Variants in MED16 observed in about 807,000 individuals in gnomAD.
MED16 encodes mediator complex subunit 16.
In MED16, 81 loss-of-function variants were observed where a neutral mutation model predicts 84.4. That is an observed-to-expected ratio of 0.96 (90% CI 0.80 to 1.15). The LOEUF (loss-of-function observed/expected upper bound fraction) is 1.15, where lower values mean the gene tolerates loss of function less well. MED16 is among the 50% of genes most tolerant of loss of function. The pLI is 0.00. For synonymous variants in MED16, 897 were observed against 552.2 expected, an observed-to-expected ratio of 1.62 and a Z score of -8.76; for missense variants, 1,585 against 1,245.9, an observed-to-expected ratio of 1.27 and a Z score of -4.10.
intron 3 of MED16, 42 bp downstream of exon 3, chr19:890,095 A>G: frequency 1.4e-6 from 2 of 1,440,812 alleles, no homozygotes; most frequent in Admixed American, 2.0e-5. Context: ...CTGCTCCGGG[A>G]TCCGGGTCGC....
intron 6 of MED16, among the ~76,000 whole-genome samples, chr19:884,034 C>A (rs1469540744): frequency 2.0e-5 from 3 of 152,118 alleles, no homozygotes; most frequent in Non-Finnish European, 4.4e-5. Flanking sequence ...CTGCAGGCCC[C>A]GGGAGCCATC....
chr19:871,755 G>C (rs1417431992), intron 12 of MED16, 171 bp downstream of exon 12: 5 of 696,992 alleles, frequency 7.2e-6, no homozygotes, highest in East Asian at 3.1e-5. Flanking sequence ...TGTTTTGGTA[G>C]GGAGAGGGGA....
chr19:874,206 C>T (rs1286986420), intron 10 of MED16, among the ~76,000 whole-genome samples: 1 of 152,098 alleles, frequency 6.6e-6, no homozygotes, highest in South Asian at 2.1e-4. Context: ...CTCCGCCTCC[C>T]GGGTTCACGC....
chr19:873,573 T>A lies in MED16; in HGVS notation c.1781A>T (p.Lys594Met). ...CTCCGTCTTGAGGTTGATCATGACC[T>A]TGTCAATGTCTACAAGGAGACGTGG... ...CTKITDVDID[K>M]VMINLKTEEF... Residue 594 changes from lysine (K) to methionine (M), a missense_variant, in exon 11 of 16, where the codon AAG (lysine) becomes ATG (methionine). Lys to Met is a moderately conservative substitution (Grantham distance 95). Transcript: ENST00000325464. The A allele has an allele frequency of 6.2e-7, 1 of 1,612,276 alleles. No individual in the cohort carries two copies. Among genetic ancestry groups the A allele is most frequent in the South Asian group, 1.1e-5 (1 of 91,082 alleles).
Position 876,990 on chromosome 19 carries a change from G to A in MED16, c.1544C>T (p.Thr515Ile), listed in dbSNP as rs1283353970. The A allele has an allele frequency of 1.9e-6, 3 of 1,586,922 alleles. No individual in the cohort carries two copies. The highest frequency in any genetic ancestry group is 2.6e-6 in the Non-Finnish European group (3 of 1,170,016). The change falls in exon 9 of 16, where the codon ACC becomes ATC. Residue 515 changes from threonine (T) to isoleucine (I), a missense_variant. By Grantham distance (89) the Thr-to-Ile change is moderately conservative (BLOSUM62 -1). Coordinates refer to ENST00000325464, the MANE Select transcript of MED16 (RefSeq NM_005481.3). ...EKLHEEYTRQ[T>I]AALQQVLSTR... ...GGCCCCCACCTGCTGCAGGGCAGCG[G>A]TCTGGCGCGTGTACTCCTCGTGCAG... is the stretch of plus-strand genomic sequence containing the variant.
At chr19:892,881 AGCCCCGCGCCCCGCGCCCCGC>A (rs568145217) in intron 1 of MED16, 184 bp downstream of exon 1, 58,789 of 137,974 alleles carry the variant, frequency 0.43, 13,096 homozygotes, top group Non-Finnish European at 0.51. Flanking sequence ...CTGAGCCCCG[AGCCCCGCGCCCCGCGCCCCGC>A]GCCCCGCGCC....
Position 873,773 on chromosome 19 carries a change from C to G in MED16, c.1772-191G>C, listed in dbSNP as rs375679577. The stretch of plus-strand genomic sequence containing the variant: ...GGAACTGGGAGCCCACTGCCTGCCC[C>G]CCCCCGGGGGCCGCTGTGCTCAGCA... On this transcript the variant is annotated intron_variant, in intron 10 of 15. Transcript: ENST00000325464. 4.4e-4 allele frequency among the ~76,000 whole-genome samples: 67 copies of G among 152,224 alleles called. No individual in the cohort carries two copies. In the South Asian group the frequency reaches 9.5e-3, roughly 22 times the overall value.
intron 4 of MED16, among the ~76,000 whole-genome samples, chr19:887,259 G>C (rs943428842): frequency 6.6e-6 from 1 of 152,186 alleles, no homozygotes; most frequent in Non-Finnish European, 1.5e-5. Flanking sequence ...GTGGTGAGGG[G>C]TTGCCATGGC....
At chr19:872,861 G>T in intron 11 of MED16, 3 of 718,394 alleles carry the variant, frequency 4.2e-6, no homozygotes, top group Non-Finnish European at 3.5e-6. Context: ...GGCCTGGGAG[G>T]CGGGGCTTTG....
At chr19:890,406 C>G (rs956424165) in intron 2 of MED16, 162 bp from the exon 3 acceptor site, 1 of 558,608 alleles carries the variant, frequency 1.8e-6, no homozygotes, top group African/African-American at 1.9e-5. Flanking sequence ...GCTGTCCCCC[C>G]GCAGGAACAG....
At chr19:884,859 C>T (rs1389294407) in intron 6 of MED16, 44 bp downstream of exon 6, 1 of 1,505,064 alleles carries the variant, frequency 6.6e-7, no homozygotes, top group African/African-American at 1.4e-5. Context: ...ACCAACCGCC[C>T]CCGAGGGCAG....
At chr19:890,292 G>A in intron 2 of MED16, 48 bp from the exon 3 acceptor site, 1 of 1,264,222 alleles carries the variant, frequency 7.9e-7, no homozygotes, top group Non-Finnish European at 1.1e-6. Context: ...ACAGCCTGCA[G>A]ACGATGACGA....
At chr19:886,486 G>T (rs774908037) in intron 4 of MED16, among the ~76,000 whole-genome samples, 1 of 152,368 alleles carries the variant, frequency 6.6e-6, no homozygotes, top group East Asian at 1.9e-4. Flanking sequence ...TTTCTGTAAA[G>T]GGACAGACAG....
rs772949626 is a variant in MED16 at position 885,915 on chromosome 19, C to T, written c.734G>A (p.Cys245Tyr). ...GCACTTCTCGCTCACCACGCTCACG[C>T]ACACCTTGTAGAACTGCACGGGCGA... ...SASPVQFYKV[C>Y]VSVVSEKCRI... The change falls in exon 5 of 16, where the codon TGC becomes TAC. Residue 245 changes from cysteine (C) to tyrosine (Y), a missense_variant. Transcript: ENST00000325464. 1.2e-6 allele frequency: 2 copies of T among 1,613,422 alleles called. No individual in the cohort carries two copies. Among genetic ancestry groups the T allele is most frequent in the East Asian group, 2.2e-5 (1 of 44,880 alleles).
At chr19:874,362 T>C (rs985483810) in intron 10 of MED16, among the ~76,000 whole-genome samples, 19 of 152,180 alleles carry the variant, frequency 1.2e-4, no homozygotes, top group African/African-American at 2.2e-4. Flanking sequence ...TCAGCCCGCG[T>C]TGGCCTCCCA....
chr19:892,000 G>A (rs1300133113), intron 1 of MED16, among the ~76,000 whole-genome samples: 1 of 139,988 alleles, frequency 7.1e-6, no homozygotes, highest in Non-Finnish European at 1.6e-5. Context: ...GCGGGGCTGA[G>A]TGTGACGGGG....
At chr19:887,173 C>G (rs549054338) in intron 4 of MED16, among the ~76,000 whole-genome samples, 1 of 151,958 alleles carries the variant, frequency 6.6e-6, no homozygotes, top group Admixed American at 6.5e-5. Context: ...CGGCTCCATT[C>G]TAAGTTACAA....
In MED16 at chr19:871,149, T is replaced by C. The variant is rs371111559; in HGVS notation, c.2203A>G (p.Ser735Gly). 113 of 1,548,272 alleles carry C rather than the reference T, an allele frequency of 7.3e-5. No individual in the cohort carries two copies. In the African/African-American group the frequency reaches 1.5e-3, roughly 21 times the overall value. ...LIPSLDWLPA[S>G]DGLVSRLQPK... ...TGCAGGCGGCTAACCAGGCCGTCGC[T>C]GGCTGGCAGCCAGTCCAGGCTGGGG... Residue 735 changes from serine (S) to glycine (G), a missense_variant, in exon 13 of 16, where the codon AGC becomes GGC. Coordinates refer to ENST00000325464, the MANE Select transcript of MED16 (RefSeq NM_005481.3).
Position 875,379 on chromosome 19 carries a change from C to G in MED16, c.1636G>C (p.Asp546His). 3 of 1,609,328 alleles carry G rather than the reference C, an allele frequency of 1.9e-6. No individual in the cohort carries two copies. Among genetic ancestry groups the G allele is most frequent in the Non-Finnish European group, 1.7e-6 (2 of 1,179,750 alleles). ...ATGAGGAAGAGCTTGGTGTGGTAGTCGCACACGCGGGTCACCGTGCAGGGC... is the reference window on the plus strand; with the variant it reads ...ATGAGGAAGAGCTTGGTGTGGTAGTGGCACACGCGGGTCACCGTGCAGGGC... ...LSPCTVTRVCDYHTKLFLIAI... is the reference protein window; with the variant it reads ...LSPCTVTRVCHYHTKLFLIAI... Residue 546 changes from aspartate to histidine, a missense_variant, in exon 10 of 16, where the codon GAC (aspartate) becomes CAC (histidine). Coordinates refer to ENST00000325464, the MANE Select transcript of MED16 (RefSeq NM_005481.3).
Sources: allele counts gnomAD v4.1 joint callset (sites outside exome capture counted in the v4.1 genomes callset), GRCh38; gene constraint gnomAD v4.1.1; transcripts MANE v1.5; gene names NCBI Gene and HGNC (gene_info 2026-07-23, HGNC 2026-07-21).